Variants in ADGRG2 observed in about 807,000 individuals in gnomAD.
ADGRG2 encodes the protein G protein-coupled receptor 64.
ADGRG2 carries 26 observed loss-of-function variants against 74.1 expected under a neutral mutation model. That is an observed-to-expected ratio of 0.35 (90% CI 0.26 to 0.49). ADGRG2 has a LOEUF of 0.49. ADGRG2 is among the 20% of genes least tolerant of loss of function. The probability of loss-of-function intolerance (pLI) is 0.99; values close to 1 mark genes in which losing one functional copy is unlikely to be tolerated. For synonymous variants in ADGRG2, 296 were observed against 295.2 expected (o/e 1.00, Z -0.03); for missense variants, 619 against 763.1 (o/e 0.81, Z 2.22).
intron 3 of ADGRG2, among the ~76,000 whole-genome samples, chrX:19,054,731 A>G (rs1051098527): frequency 8.9e-6 from 1 of 112,083 alleles, no homozygotes; most frequent in African/African-American, 3.2e-5. Flanking sequence ...GACCAACTAC[A>G]TTTCCCAAAA....
intron 1 of ADGRG2, among the ~76,000 whole-genome samples, chrX:19,113,013 A>T (rs2062443618): frequency 9.4e-6 from 1 of 106,949 alleles, no homozygotes; most frequent in African/African-American, 3.4e-5. Context: ...AATCAACGTT[A>T]CAAAGGACAA....
At chrX:19,122,153 T>C (rs2147109095) in intron 1 of ADGRG2, among the ~76,000 whole-genome samples, 1 of 112,680 alleles carries the variant, frequency 8.9e-6, no homozygotes, top group East Asian at 2.9e-4. Context: ...TCCGAAGGTT[T>C]TGGAGACGCG....
At chrX:19,115,932 G>A (rs1327939908) in intron 1 of ADGRG2, among the ~76,000 whole-genome samples, 2 of 110,552 alleles carry the variant, frequency 1.8e-5, no homozygotes, top group Non-Finnish European at 3.8e-5. Context: ...AGTGCAGGCC[G>A]GGTGCAGTGG....
intron 1 of ADGRG2, among the ~76,000 whole-genome samples, chrX:19,118,957 A>C (rs978263542): frequency 1.8e-5 from 2 of 112,058 alleles, no homozygotes; most frequent in African/African-American, 6.5e-5. Context: ...TACAGAATAC[A>C]TAAGTTCTTT....
At chrX:19,114,205 G>A (rs868281763) in intron 1 of ADGRG2, among the ~76,000 whole-genome samples, 1 of 110,467 alleles carries the variant, frequency 9.1e-6, no homozygotes, top group African/African-American at 3.3e-5. Context: ...CAGTGGCACT[G>A]GGGAACACTT....
rs762239945 is a variant in ADGRG2, at chrX:19,000,992, C to A, written c.2231-1032G>T. Among the ~76,000 whole-genome samples the A allele has an allele frequency of 1.8e-3, 195 of 111,260 alleles. 2 individuals carry two copies. The highest frequency in any genetic ancestry group is 6.1e-3 in the African/African-American group (186 of 30,632). ...TCAGGTGATCCGCCCACCTCGGCCT[C>A]CCAAAGTGCTGGGATTACAGGCATG... On this transcript the variant is annotated intron_variant, in intron 24 of 28. Transcript: ENST00000379869.
chrX:19,091,517 C>G (rs989877465), intron 1 of ADGRG2, among the ~76,000 whole-genome samples: 1 of 109,772 alleles, frequency 9.1e-6, no homozygotes, highest in African/African-American at 3.3e-5. Context: ...CACACACACA[C>G]ACACACACAC....
chrX:19,079,917 T>G (rs2061816130), intron 2 of ADGRG2, among the ~76,000 whole-genome samples: 1 of 107,719 alleles, frequency 9.3e-6, no homozygotes, highest in Non-Finnish European at 1.9e-5. Context: ...GGTTTTTGTT[T>G]TTTTTTTTTT....
chrX:19,081,933 C>T (rs1302109805), intron 2 of ADGRG2, among the ~76,000 whole-genome samples: 1 of 109,217 alleles, frequency 9.2e-6, no homozygotes, highest in Non-Finnish European at 1.9e-5. Context: ...ATTAGCCAGG[C>T]ATGGTTGCAT....
At chrX:19,009,829 T>A in intron 17 of ADGRG2, 47 bp from the exon 18 acceptor site, 11 of 1,007,440 alleles carry the variant, frequency 1.1e-5, no homozygotes, top group Non-Finnish European at 1.5e-5. Flanking sequence ...TTATTTATTT[T>A]GAGACGGAGT....
intron 1 of ADGRG2, among the ~76,000 whole-genome samples, chrX:19,114,433 C>T (rs2062473982): frequency 9.0e-6 from 1 of 111,659 alleles, no homozygotes; most frequent in Non-Finnish European, 1.9e-5. Flanking sequence ...AGGTCAGGAA[C>T]AAGACCTGGA....
chrX:19,054,019 T>C (rs1045455298), intron 3 of ADGRG2, among the ~76,000 whole-genome samples: 2 of 111,974 alleles, frequency 1.8e-5, no homozygotes, highest in African/African-American at 6.5e-5. Flanking sequence ...TCCTACAACA[T>C]GTAAGAATTA....
At chrX:19,015,380 A>G in intron 15 of ADGRG2, among the ~76,000 whole-genome samples, 1 of 112,424 alleles carries the variant, frequency 8.9e-6, no homozygotes. Flanking sequence ...GGTTCGGGGC[A>G]GTGAGGATAA....
At chrX:19,059,453 A>G (rs1173970676) in intron 3 of ADGRG2, among the ~76,000 whole-genome samples, 3 of 111,359 alleles carry the variant, frequency 2.7e-5, no homozygotes, top group African/African-American at 9.8e-5. Flanking sequence ...GGATAACACA[A>G]ACTTTTCTAC....
chrX:19,108,436 T>C (rs1302440074), intron 1 of ADGRG2, among the ~76,000 whole-genome samples: 1 of 112,162 alleles, frequency 8.9e-6, no homozygotes, highest in Non-Finnish European at 1.9e-5. Context: ...ATTTACCTGG[T>C]AGTAATGCAC....
At chrX:19,046,839 C>T (rs758454555) in intron 3 of ADGRG2, among the ~76,000 whole-genome samples, 9 of 111,508 alleles carry the variant, frequency 8.1e-5, no homozygotes, top group Non-Finnish European at 1.7e-4. Flanking sequence ...CCAGCCAAAC[C>T]GAGAGAGGGG....
rs746521723 is a variant in ADGRG2 at position 18,990,836 on chromosome X, ATCATGCT to A, written c.*21_*27del. 6 of 1,101,294 alleles carry A rather than the reference ATCATGCT, an allele frequency of 5.4e-6. No individual in the cohort carries two copies. The African/African-American group carries it at 1.1e-4, about 20-fold the overall frequency. The allele number at this position is 1,101,294 out of a possible 1,213,427, so 90.8% of individuals were successfully genotyped here. On this transcript the variant is annotated 3_prime_UTR_variant, in exon 29 of 29. Transcript: ENST00000379869. ...AATTGGACATTTCACACTGTCAAGC[ATCATGCT>A]TTGATTTTAGAAGAAAGGAATCACA...
intron 11 of ADGRG2, among the ~76,000 whole-genome samples, chrX:19,025,075 T>A (rs1441731507): frequency 8.9e-6 from 1 of 112,035 alleles, no homozygotes; most frequent in African/African-American, 3.2e-5. Context: ...ATGCCCCACC[T>A]ACAGGTCACC....
Position 19,019,326 on chromosome X carries a change from G to A in ADGRG2, c.710+273C>T, listed in dbSNP as rs143244282. 4.7e-3 allele frequency among the ~76,000 whole-genome samples: 526 copies of A among 111,713 alleles called. 2 individuals are homozygous for A. The highest frequency in any genetic ancestry group is 0.015 in the African/African-American group (473 of 30,773). On this transcript the variant is annotated intron_variant, in intron 15 of 28. Coordinates refer to ENST00000379869, the MANE Select transcript of ADGRG2 (RefSeq NM_001079858.3). ...GCTACCATTTCTCACCTATCAGACC[G>A]TCAAACATGTTTTTAAAATGACAAA...
Sources: gnomAD v4.1 joint callset for allele counts (sites outside exome capture counted in the v4.1 genomes callset) on GRCh38, gnomAD v4.1.1 for gene constraint, MANE v1.5 for transcripts, NCBI Gene and HGNC (gene_info 2026-07-23, HGNC 2026-07-21) for gene names.